SPECC1L: variants seen among roughly 807,000 people sequenced by gnomAD.
SPECC1L encodes sperm antigen with calponin homology and coiled-coil domains 1 like, also known as cytospin-A.
Under a neutral mutation model 116.8 loss-of-function variants are expected in SPECC1L, and 40 were observed. The ratio of observed to expected loss-of-function variants is 0.34; its 90% CI spans 0.27 to 0.45. SPECC1L has a LOEUF of 0.45. Ranked by LOEUF, SPECC1L falls within the 20% of genes least tolerant of loss-of-function variation. The pLI is 1.00. For missense variants in SPECC1L, 1,110 were observed against 1,373.6 expected (o/e 0.81, Z 3.03); for synonymous variants, 504 against 500.6 (o/e 1.01, Z -0.09).
intron 10 of SPECC1L, chr22:24,343,336 C>T (rs916290485): frequency 1.2e-5 from 4 of 344,202 alleles, no homozygotes; most frequent in African/African-American, 6.7e-5. Context: ...TCCCCATGCC[C>T]ATTAAGGCAT....
rs2040978179 is a variant in SPECC1L, at chr22:24,333,384, A to G, written c.2397-1026A>G. Among the ~76,000 whole-genome samples, 3 of 152,330 alleles carry G rather than the reference A, an allele frequency of 2.0e-5. No individual in the cohort carries two copies. The South Asian group carries it at 6.2e-4, about 32-fold the overall frequency. ...TTTTATTCACATACTTGATAGTTATATGACATATACAAACTCTGCAATTGT... is the reference window on the plus strand; with the variant it reads ...TTTTATTCACATACTTGATAGTTATGTGACATATACAAACTCTGCAATTGT... On this transcript the variant is annotated intron_variant, in intron 8 of 16. Transcript: ENST00000314328.
chr22:24,296,305 T>C lies in SPECC1L; in HGVS notation c.-37-5890T>C, dbSNP rs5751839. On this transcript the variant is annotated intron_variant, in intron 2 of 16. Coordinates refer to ENST00000314328, the MANE Select transcript of SPECC1L (RefSeq NM_015330.6). ...GTACCGCACAGGACATGGTGCTTGCTGTCGGGGAGAGGCTCAAGGCCTTCA... is the reference window on the plus strand; with the variant it reads ...GTACCGCACAGGACATGGTGCTTGCCGTCGGGGAGAGGCTCAAGGCCTTCA... Among the ~76,000 whole-genome samples the C allele has an allele frequency of 0.01, 1,564 of 152,334 alleles. 67 individuals are homozygous for C. The South Asian group carries it at 0.11, about 11-fold the overall frequency.
chr22:24,354,742 A>G (rs1349003599), intron 11 of SPECC1L, among the ~76,000 whole-genome samples: 2 of 150,660 alleles, frequency 1.3e-5, no homozygotes, highest in East Asian at 4.0e-4. Flanking sequence ...GCTCGCTGCA[A>G]CCTGCGCCCC....
At chr22:24,283,087 GT>G (rs886217657) in intron 2 of SPECC1L, among the ~76,000 whole-genome samples, 1 of 146,156 alleles carries the variant, frequency 6.8e-6, no homozygotes, top group South Asian at 2.2e-4. Context: ...CGATAACTTT[GT>G]TTTTTTTTGA....
chr22:24,390,584 AGT>A (rs1436637447), intron 14 of SPECC1L, among the ~76,000 whole-genome samples: 2 of 152,206 alleles, frequency 1.3e-5, no homozygotes, highest in Non-Finnish European at 2.9e-5. Context: ...TGTAAATATC[AGT>A]GTGTTCCAGG....
At chr22:24,315,584 C>T (rs2040546417) in intron 4 of SPECC1L, among the ~76,000 whole-genome samples, 1 of 152,196 alleles carries the variant, frequency 6.6e-6, no homozygotes, top group Non-Finnish European at 1.5e-5. Flanking sequence ...CTGTTTCCTG[C>T]CTTTAGAATT....
chr22:24,408,936 G>A (rs917562277), intron 14 of SPECC1L, among the ~76,000 whole-genome samples: 13 of 152,348 alleles, frequency 8.5e-5, no homozygotes, highest in Admixed American at 5.2e-4. Flanking sequence ...GGTCTCCCTC[G>A]CAGGGGCGGC....
intron 2 of SPECC1L, among the ~76,000 whole-genome samples, chr22:24,301,311 C>G (rs1198234716): frequency 6.6e-6 from 1 of 152,130 alleles, no homozygotes; most frequent in African/African-American, 2.4e-5. Context: ...AGGATATGAA[C>G]AGACACTTCT....
chr22:24,331,074 T>A (rs549644715), intron 8 of SPECC1L, among the ~76,000 whole-genome samples: 1 of 152,322 alleles, frequency 6.6e-6, no homozygotes, highest in East Asian at 1.9e-4. Context: ...GTAGGTTTTT[T>A]TTCCCCATGT....
chr22:24,354,146 A>C (rs1471761747), intron 11 of SPECC1L, among the ~76,000 whole-genome samples: 2 of 152,176 alleles, frequency 1.3e-5, no homozygotes, highest in African/African-American at 2.4e-5. Flanking sequence ...GCACCAAGCC[A>C]TTCATGAGGG....
At chr22:24,393,506 T>A (rs558006705) in intron 14 of SPECC1L, among the ~76,000 whole-genome samples, 2 of 152,194 alleles carry the variant, frequency 1.3e-5, no homozygotes, top group Non-Finnish European at 2.9e-5. Flanking sequence ...CCATCAGACA[T>A]CAGCTTTTGA....
intron 11 of SPECC1L, among the ~76,000 whole-genome samples, chr22:24,360,650 T>C (rs906009455): frequency 3.3e-5 from 5 of 152,222 alleles, no homozygotes; most frequent in Non-Finnish European, 5.9e-5. Context: ...CCAGGGCTTA[T>C]GCCTGTGTCC....
At chr22:24,303,896 G>A (rs1309875763) in intron 3 of SPECC1L, among the ~76,000 whole-genome samples, 1 of 149,528 alleles carries the variant, frequency 6.7e-6, no homozygotes, top group African/African-American at 2.5e-5. Flanking sequence ...TAGCAGGAAG[G>A]TCAGGACAGA....
chr22:24,292,318 G>A (rs1448515420), intron 2 of SPECC1L, among the ~76,000 whole-genome samples: 2 of 152,182 alleles, frequency 1.3e-5, no homozygotes, highest in South Asian at 4.1e-4. Flanking sequence ...TGAGGGTGGG[G>A]TTTCTGAACC....
intron 3 of SPECC1L, among the ~76,000 whole-genome samples, chr22:24,302,872 C>T (rs1028095356): frequency 6.6e-6 from 1 of 152,200 alleles, no homozygotes; most frequent in African/African-American, 2.4e-5. Flanking sequence ...GTGTTTTTAT[C>T]TGCCTGTCTC....
Position 24,322,041 on chromosome 22 carries a change from A to G in SPECC1L, c.1061A>G (p.Gln354Arg). The change falls in exon 5 of 17, where the codon CAG becomes CGG. Residue 354 changes from glutamine to arginine, a missense_variant. This residue lies in a region of SPECC1L where 437 missense variants were observed against 482.6 expected (regional missense o/e 0.91). Coordinates refer to ENST00000314328, the MANE Select transcript of SPECC1L (RefSeq NM_015330.6). ...GACAGTGAGTGCAGTGAGGTCTACC[A>G]GCCCCTCACATCGAGCGATGATGCG... ...NLDSECSEVY[Q>R]PLTSSDDALD... The G allele has an allele frequency of 6.2e-7, 1 of 1,614,206 alleles. No homozygotes were observed. The highest frequency in any genetic ancestry group is 8.5e-7 in the Non-Finnish European group (1 of 1,180,028).
At position 24,414,736 on chromosome 22, in the gene SPECC1L, C is replaced by T; in HGVS notation, c.*113C>T. On this transcript the variant is annotated 3_prime_UTR_variant, in exon 17 of 17. Transcript: ENST00000314328. Reference sequence around the variant, plus strand: ...AAGCTTCCAGCAACTCTGGGCTGCCCCACAGCGTGTGAGCCTCCAGCTCGG... The same window carrying T: ...AAGCTTCCAGCAACTCTGGGCTGCCTCACAGCGTGTGAGCCTCCAGCTCGG... 1.1e-6 allele frequency: 1 copy of T among 907,036 alleles called. No homozygotes were observed. The highest frequency in any genetic ancestry group is 1.8e-6 in the Non-Finnish European group (1 of 569,538). The allele number at this position is 907,036 out of a possible 1,614,324, so 56.2% of individuals were successfully genotyped here. A position where few individuals can be genotyped will look rare whatever the true frequency, so the allele number is the denominator to read the frequency against.
At chr22:24,336,282 C>G (rs967904199) in intron 9 of SPECC1L, among the ~76,000 whole-genome samples, 1 of 151,198 alleles carries the variant, frequency 6.6e-6, no homozygotes, top group Non-Finnish European at 1.5e-5. Flanking sequence ...TCTATATATA[C>G]CTATATGTGT....
intron 14 of SPECC1L, among the ~76,000 whole-genome samples, chr22:24,377,309 A>G (rs1215595064): frequency 6.6e-6 from 1 of 152,078 alleles, no homozygotes; most frequent in African/African-American, 2.4e-5. Context: ...TGTCACTGTT[A>G]AGAACTTTTT....
Sources: allele counts gnomAD v4.1 joint callset (sites outside exome capture counted in the v4.1 genomes callset), GRCh38; gene constraint gnomAD v4.1.1; regional missense constraint gnomAD v4.1.1; transcripts MANE v1.5; gene names NCBI Gene and HGNC (gene_info 2026-07-23, HGNC 2026-07-21).